Variants in ECHDC1 observed in about 807,000 individuals in gnomAD.
ECHDC1 encodes ethylmalonyl-CoA decarboxylase 1.
ECHDC1 carries 29 observed loss-of-function variants against 29.7 expected under a neutral mutation model. That is an observed-to-expected ratio of 0.98 (90% CI 0.73 to 1.33). The LOEUF (loss-of-function observed/expected upper bound fraction) is 1.33. Ranked by LOEUF, ECHDC1 falls within the 40% of genes most tolerant of loss-of-function variation. ECHDC1 has a pLI of 0.00. For synonymous variants in ECHDC1, 126 were observed against 123.1 expected, an observed-to-expected ratio of 1.02 and a Z score of -0.15; for missense variants, 328 against 350.0, an observed-to-expected ratio of 0.94 and a Z score of 0.50.
At chr6:127,320,815 G>C (rs3823042) in intron 3 of ECHDC1, among the ~76,000 whole-genome samples, 23 of 152,056 alleles carry the variant, frequency 1.5e-4, no homozygotes, top group African/African-American at 5.5e-4. Flanking sequence ...CTGCCTAATA[G>C]GGACAGTTGG....
chr6:127,298,739 A>G (rs970447174), intron 5 of ECHDC1, among the ~76,000 whole-genome samples: 1 of 152,104 alleles, frequency 6.6e-6, no homozygotes, highest in African/African-American at 2.4e-5. Flanking sequence ...CTTTACTCAC[A>G]TTTTTGTGGT....
intron 5 of ECHDC1, among the ~76,000 whole-genome samples, chr6:127,300,360 G>A (rs1198113696): frequency 1.3e-5 from 2 of 152,168 alleles, no homozygotes; most frequent in Non-Finnish European, 2.9e-5. Context: ...TCTGGCAACT[G>A]TGCATGTGTT....
intron 3 of ECHDC1, among the ~76,000 whole-genome samples, chr6:127,319,859 G>C (rs1008651496): frequency 6.6e-6 from 1 of 152,100 alleles, no homozygotes; most frequent in African/African-American, 2.4e-5. Flanking sequence ...AATGCCAAAA[G>C]GAATGATTAA....
intron 5 of ECHDC1, among the ~76,000 whole-genome samples, chr6:127,307,139 C>T (rs1781502008): frequency 6.6e-6 from 1 of 152,056 alleles, no homozygotes; most frequent in Non-Finnish European, 1.5e-5. Context: ...TGAAGTACAA[C>T]ATACCAAAAC....
At chr6:127,342,816 T>A (rs937549108) in intron 1 of ECHDC1, 2 of 157,434 alleles carry the variant, frequency 1.3e-5, no homozygotes, top group African/African-American at 4.8e-5. Context: ...TTATTGTAGC[T>A]CAAAAATTCT....
rs1779957139 is a variant in ECHDC1, at chr6:127,289,777, A to T, written c.*92T>A. On this transcript the variant is annotated 3_prime_UTR_variant, in exon 6 of 6. Transcript: ENST00000454859. The stretch of plus-strand genomic sequence containing the variant: ...TCTGCATATTAATAGTAGCCTTCAA[A>T]GTAATTCTGATGTTCATATTTAATA... 1 of 1,276,812 alleles carries T rather than the reference A, an allele frequency of 7.8e-7. No homozygotes were observed. The highest frequency in any genetic ancestry group is 1.5e-5 in the South Asian group (1 of 64,826). The allele number at this position is 1,276,812 out of a possible 1,614,324, so 79.1% of individuals were successfully genotyped here.
chr6:127,297,079 G>GA (rs1208129194), intron 5 of ECHDC1, among the ~76,000 whole-genome samples: 5 of 152,124 alleles, frequency 3.3e-5, no homozygotes, highest in African/African-American at 1.2e-4. Context: ...CCTTACCCAT[G>GA]AAATTGGCAA....
chr6:127,328,983 C>T (rs995604077), intron 2 of ECHDC1, among the ~76,000 whole-genome samples: 4 of 151,884 alleles, frequency 2.6e-5, no homozygotes, highest in Admixed American at 6.6e-5. Flanking sequence ...GCTGAGATCG[C>T]GCCACTGCAC....
chr6:127,292,492 C>T (rs1260478492), intron 5 of ECHDC1, among the ~76,000 whole-genome samples: 5 of 151,722 alleles, frequency 3.3e-5, no homozygotes, highest in Non-Finnish European at 4.4e-5. Context: ...TTGTATACCT[C>T]GGGTGTGCTT....
chr6:127,324,521 A>G (rs903918379), intron 3 of ECHDC1, among the ~76,000 whole-genome samples: 9 of 152,318 alleles, frequency 5.9e-5, no homozygotes, highest in African/African-American at 1.9e-4. Context: ...GGAATGTGCT[A>G]TATCAATGTA....
At chr6:127,332,666 G>A (rs914037864) in intron 1 of ECHDC1, among the ~76,000 whole-genome samples, 10 of 152,132 alleles carry the variant, frequency 6.6e-5, no homozygotes, top group African/African-American at 2.4e-4. Context: ...TACCTCATCA[G>A]CCTTCTACTG....
intron 2 of ECHDC1, among the ~76,000 whole-genome samples, chr6:127,328,736 T>TA (rs1783600441): frequency 6.6e-6 from 1 of 152,164 alleles, no homozygotes. Context: ...TTTAAGGTTC[T>TA]AAAAAACAGG....
intron 5 of ECHDC1, among the ~76,000 whole-genome samples, chr6:127,303,013 G>A (rs1781169369): frequency 3.3e-5 from 5 of 152,052 alleles, no homozygotes; most frequent in Non-Finnish European, 7.3e-5. Flanking sequence ...TAGTTTTCAA[G>A]AGGCTAGGAT....
intron 3 of ECHDC1, among the ~76,000 whole-genome samples, chr6:127,324,045 A>C (rs1783079233): frequency 6.6e-6 from 1 of 152,160 alleles, no homozygotes; most frequent in African/African-American, 2.4e-5. Flanking sequence ...CTTCCACTTA[A>C]AGGAATTCAA....
intron 1 of ECHDC1, chr6:127,341,785 G>A (rs1784969729): frequency 6.6e-6 from 1 of 152,254 alleles, no homozygotes; most frequent in African/African-American, 2.4e-5. Context: ...ACCTTATACT[G>A]TAATCACTAA....
chr6:127,316,325 T>C (rs1184211860), intron 4 of ECHDC1, 125 bp downstream of exon 4: 4 of 742,694 alleles, frequency 5.4e-6, no homozygotes, highest in Admixed American at 2.8e-5. Context: ...AAAAAAATAG[T>C]ACATCATTAG....
chr6:127,309,833 A>G (rs1781756486), intron 5 of ECHDC1, among the ~76,000 whole-genome samples: 1 of 152,212 alleles, frequency 6.6e-6, no homozygotes, highest in African/African-American at 2.4e-5. Context: ...CACATGACAG[A>G]GCAGGAGAGA....
At chr6:127,315,887 A>G in intron 4 of ECHDC1, 1 of 453,068 alleles carries the variant, frequency 2.2e-6, no homozygotes, top group South Asian at 1.6e-5. Flanking sequence ...ATGTGAAAGT[A>G]GAAAGCTAAT....
chr6:127,339,323 G>A (rs992287376), intron 1 of ECHDC1, among the ~76,000 whole-genome samples: 9 of 149,786 alleles, frequency 6.0e-5, no homozygotes, highest in African/African-American at 2.2e-4. Context: ...GATCAGGACA[G>A]GGACTGCATC....
Sources: gnomAD v4.1 joint callset for allele counts (sites outside exome capture counted in the v4.1 genomes callset) on GRCh38, gnomAD v4.1.1 for gene constraint, MANE v1.5 for transcripts, NCBI Gene and HGNC (gene_info 2026-07-23, HGNC 2026-07-21) for gene names.